SELENOF: variants seen among roughly 807,000 people sequenced by gnomAD.
SELENOF encodes 15 kDa selenoprotein.
A neutral mutation model predicts 20.5 loss-of-function variants in SELENOF; 16 were observed. The ratio of observed to expected loss-of-function variants is 0.78; its 90% CI spans 0.53 to 1.19. The LOEUF is 1.19. SELENOF is among the 50% of genes most tolerant of loss of function. SELENOF has a pLI of 0.00. For missense variants in SELENOF, 215 were observed against 194.2 expected (o/e 1.11, Z -0.64); for synonymous variants, 78 against 74.5 (o/e 1.05, Z -0.24).
At chr1:86,900,316 C>G (rs1659660463) in intron 2 of SELENOF, among the ~76,000 whole-genome samples, 1 of 152,130 alleles carries the variant, frequency 6.6e-6, no homozygotes, top group Admixed American at 6.5e-5. Flanking sequence ...CTGAGTGAAC[C>G]AGACACCGTC....
At chr1:86,904,213 G>A (rs1659773711) in intron 1 of SELENOF, among the ~76,000 whole-genome samples, 1 of 152,120 alleles carries the variant, frequency 6.6e-6, no homozygotes, top group South Asian at 2.1e-4. Context: ...GATGGTGCAG[G>A]CAAGAGCACG....
intron 2 of SELENOF, among the ~76,000 whole-genome samples, chr1:86,896,794 T>A (rs1423348628): frequency 6.6e-6 from 1 of 152,218 alleles, no homozygotes; most frequent in Non-Finnish European, 1.5e-5. Flanking sequence ...ACAAGTTTCC[T>A]TATTCTTTCA....
At chr1:86,897,440 G>A (rs939630430) in intron 2 of SELENOF, among the ~76,000 whole-genome samples, 6 of 152,338 alleles carry the variant, frequency 3.9e-5, no homozygotes, top group East Asian at 1.9e-4. Flanking sequence ...AGTGATACTG[G>A]TGGTGTGTAA....
rs1405867676 is a variant in SELENOF at position 86,884,034 on chromosome 1, C to A, written c.253-3309G>T. On this transcript the variant is annotated intron_variant, in intron 2 of 4. Coordinates refer to ENST00000331835, the MANE Select transcript of SELENOF (RefSeq NM_004261.5). Reference sequence around the variant, plus strand: ...TAGTAAACTTTCACAGAACTTTGTTCTCATCATAATGTGCATCAAATAGCC... The same window carrying A: ...TAGTAAACTTTCACAGAACTTTGTTATCATCATAATGTGCATCAAATAGCC... 2.0e-5 allele frequency among the ~76,000 whole-genome samples: 3 copies of A among 152,260 alleles called. No individual in the cohort carries two copies. The East Asian group carries it at 5.8e-4, about 29-fold the overall frequency.
intron 3 of SELENOF, among the ~76,000 whole-genome samples, chr1:86,876,645 T>C (rs1658930322): frequency 6.6e-6 from 1 of 152,218 alleles, no homozygotes; most frequent in Non-Finnish European, 1.5e-5. Context: ...AGATAAGTAC[T>C]GTAATTGAAA....
chr1:86,912,864 G>A (rs930366780), intron 1 of SELENOF, among the ~76,000 whole-genome samples: 4 of 152,002 alleles, frequency 2.6e-5, no homozygotes, highest in Non-Finnish European at 4.4e-5. Flanking sequence ...TAGGTTTTAG[G>A]GCGGTTACAC....
chr1:86,888,189 G>A (rs761235569), intron 2 of SELENOF, among the ~76,000 whole-genome samples: 4 of 151,796 alleles, frequency 2.6e-5, no homozygotes, highest in Non-Finnish European at 4.4e-5. Flanking sequence ...GGACCTGGGA[G>A]GTGGAGGTTG....
intron 2 of SELENOF, among the ~76,000 whole-genome samples, chr1:86,893,792 A>G (rs1353367722): frequency 6.6e-6 from 1 of 151,674 alleles, no homozygotes; most frequent in Non-Finnish European, 1.5e-5. Flanking sequence ...AGTGTAATAC[A>G]TATAAAAAAA....
chr1:86,902,335 A>G (rs780635358), intron 2 of SELENOF, among the ~76,000 whole-genome samples: 11 of 152,198 alleles, frequency 7.2e-5, no homozygotes, highest in Admixed American at 5.2e-4. Context: ...ATACAGAGAA[A>G]TCAAGGGTTA....
At chr1:86,864,458 A>G (rs488181) in intron 4 of SELENOF, among the ~76,000 whole-genome samples, 39,352 of 152,068 alleles carry the variant, frequency 0.26, 6,273 homozygotes, top group African/African-American at 0.45. Context: ...AACTTCTTCC[A>G]GAATTATGCT....
chr1:86,906,878 A>G (rs140700321), intron 1 of SELENOF, among the ~76,000 whole-genome samples: 1 of 152,360 alleles, frequency 6.6e-6, no homozygotes, highest in East Asian at 1.9e-4. Context: ...TCTGTTTTGC[A>G]GCCATAGTTA....
intron 3 of SELENOF, 112 bp downstream of exon 3, chr1:86,880,550 A>T: frequency 1.7e-6 from 1 of 576,384 alleles, no homozygotes; most frequent in Non-Finnish European, 3.0e-6. Context: ...ATATATTGTT[A>T]AGAAAGTATA....
intron 1 of SELENOF, among the ~76,000 whole-genome samples, chr1:86,909,219 T>C (rs889577843): frequency 6.6e-6 from 1 of 152,226 alleles, no homozygotes; most frequent in Non-Finnish European, 1.5e-5. Context: ...AACTGTGACA[T>C]ATGCAGTTTC....
chr1:86,902,078 TCAGCAAAAAGAACAGAGGGG>T (rs1165501989), intron 2 of SELENOF, among the ~76,000 whole-genome samples: 1 of 152,152 alleles, frequency 6.6e-6, no homozygotes, highest in African/African-American at 2.4e-5. Context: ...TGTGAATACC[TCAGCAAAAAGAACAGAGGGG>T]CAGCAAAAGG....
intron 4 of SELENOF, among the ~76,000 whole-genome samples, chr1:86,867,263 G>C (rs1040026199): frequency 6.6e-6 from 1 of 152,072 alleles, no homozygotes. Context: ...GGCTGGGGCA[G>C]GTGGATCACT....
intron 3 of SELENOF, among the ~76,000 whole-genome samples, chr1:86,873,228 G>A (rs1658831119): frequency 6.6e-6 from 1 of 152,170 alleles, no homozygotes; most frequent in East Asian, 1.9e-4. Context: ...CTGCACTCCA[G>A]CCTGGACAAC....
chr1:86,863,769 T>C (rs565184556), intron 4 of SELENOF, among the ~76,000 whole-genome samples, 164 bp from the exon 5 acceptor site: 89 of 152,066 alleles, frequency 5.9e-4, no homozygotes, highest in Non-Finnish European at 1.0e-3. Context: ...GAGAAGAGTT[T>C]TACAGGATTT....
At chr1:86,866,755 A>G (rs1287802794) in intron 4 of SELENOF, among the ~76,000 whole-genome samples, 1 of 152,234 alleles carries the variant, frequency 6.6e-6, no homozygotes, top group Non-Finnish European at 1.5e-5. Flanking sequence ...TAACAATGAA[A>G]TATCATCACA....
intron 1 of SELENOF, among the ~76,000 whole-genome samples, chr1:86,906,944 C>T (rs531915): frequency 0.12 from 17,623 of 152,152 alleles, 1,638 homozygotes; most frequent in African/African-American, 0.25. Flanking sequence ...CGTTAACAAA[C>T]GTATAAAACT....
Sources: gnomAD v4.1 joint callset for allele counts (sites outside exome capture counted in the v4.1 genomes callset) on GRCh38, gnomAD v4.1.1 for gene constraint, MANE v1.5 for transcripts, NCBI Gene and HGNC (gene_info 2026-07-23, HGNC 2026-07-21) for gene names.